The following TAFA5 variants were observed in gnomAD, a reference collection of about 807,000 sequenced individuals.
TAFA5 encodes the protein TAFA chemokine like family member 5, also known as chemokine-like protein TAFA-5.
In TAFA5, 6 loss-of-function variants were observed where a neutral mutation model predicts 15.3. The observed-to-expected ratio is 0.39, with a 90% CI of 0.21 to 0.77. The LOEUF (loss-of-function observed/expected upper bound fraction) is 0.77. TAFA5 is among the 30% of genes least tolerant of loss of function. TAFA5 has a pLI of 0.41. For missense variants in TAFA5, 161 were observed against 193.1 expected, an observed-to-expected ratio of 0.83 and a Z score of 0.98; for synonymous variants, 103 against 80.7, an observed-to-expected ratio of 1.28 and a Z score of -1.48.
intron 1 of TAFA5, among the ~76,000 whole-genome samples, chr22:48,617,317 A>G (rs1258347650): frequency 3.3e-5 from 5 of 151,330 alleles, no homozygotes; most frequent in African/African-American, 7.3e-5. Context: ...GGCCTCTGGA[A>G]TCTGGAAAAG....
At chr22:48,666,729 G>A (rs59574628) in intron 2 of TAFA5, among the ~76,000 whole-genome samples, 59,484 of 151,830 alleles carry the variant, frequency 0.39, 11,981 homozygotes, top group East Asian at 0.53. Flanking sequence ...ACCCCTTGTC[G>A]GAGCGGGTTT....
intron 1 of TAFA5, among the ~76,000 whole-genome samples, chr22:48,619,015 G>A (rs1156633658): frequency 6.6e-6 from 1 of 152,236 alleles, no homozygotes; most frequent in Non-Finnish European, 1.5e-5. Flanking sequence ...ACCCATTGCT[G>A]AGGGAAGAAG....
intron 1 of TAFA5, among the ~76,000 whole-genome samples, chr22:48,580,900 T>G (rs1380198238): frequency 6.6e-6 from 1 of 152,018 alleles, no homozygotes; most frequent in Non-Finnish European, 1.5e-5. Context: ...TTTATGGCCC[T>G]GATGAGGTGT....
intron 1 of TAFA5, among the ~76,000 whole-genome samples, chr22:48,568,096 G>T (rs1048047617): frequency 2.6e-5 from 4 of 152,222 alleles, no homozygotes; most frequent in African/African-American, 9.6e-5. Context: ...GAGTAAAACA[G>T]CCAAACCCTG....
At chr22:48,589,185 T>C (rs1924469239) in intron 1 of TAFA5, among the ~76,000 whole-genome samples, 1 of 152,212 alleles carries the variant, frequency 6.6e-6, no homozygotes, top group Admixed American at 6.5e-5. Flanking sequence ...GGCCTCAGTT[T>C]GGCATGCACG....
Position 48,646,766 on chromosome 22 carries a change from G to C in TAFA5, c.262+20G>C. Reference sequence around the variant, plus strand: ...TGGACGGTAAGCACCCGTGGCCCCAGGACCCCTCCGGGTGCTGAGCGCGGC... The same window carrying C: ...TGGACGGTAAGCACCCGTGGCCCCACGACCCCTCCGGGTGCTGAGCGCGGC... On this transcript the variant is annotated intron_variant, in intron 2 of 3. Coordinates refer to ENST00000402357, the MANE Select transcript of TAFA5 (RefSeq NM_001082967.3). 1 of 1,552,644 alleles carries C rather than the reference G, an allele frequency of 6.4e-7. No individual in the cohort carries two copies. The highest frequency in any genetic ancestry group is 1.8e-4 in the Middle Eastern group (1 of 5,604).
At chr22:48,654,269 A>T (rs1410545495) in intron 2 of TAFA5, among the ~76,000 whole-genome samples, 1 of 151,974 alleles carries the variant, frequency 6.6e-6, no homozygotes, top group Non-Finnish European at 1.5e-5. Context: ...GCTGGGCCTG[A>T]CCCTGGGCAG....
intron 1 of TAFA5, among the ~76,000 whole-genome samples, chr22:48,506,344 T>G (rs1920997403): frequency 6.6e-6 from 1 of 152,220 alleles, no homozygotes; most frequent in Non-Finnish European, 1.5e-5. Flanking sequence ...AGCCTTGTGC[T>G]CCATGGGGGA....
chr22:48,584,018 C>T (rs949252410), intron 1 of TAFA5, among the ~76,000 whole-genome samples: 1 of 145,084 alleles, frequency 6.9e-6, no homozygotes, highest in Non-Finnish European at 1.5e-5. Context: ...CACCACACAC[C>T]ACACGCCACA....
chr22:48,701,257 C>T (rs1298341587), intron 2 of TAFA5, among the ~76,000 whole-genome samples: 1 of 152,150 alleles, frequency 6.6e-6, no homozygotes, highest in African/African-American at 2.4e-5. Flanking sequence ...TTCCACCCTC[C>T]CTCCACCCTG....
At chr22:48,696,938 A>G (rs994294385) in intron 2 of TAFA5, among the ~76,000 whole-genome samples, 3 of 151,930 alleles carry the variant, frequency 2.0e-5, no homozygotes, top group African/African-American at 7.3e-5. Context: ...GAAATCCAAG[A>G]CTCCTTATTG....
At chr22:48,679,020 G>A (rs113468806) in intron 2 of TAFA5, among the ~76,000 whole-genome samples, 1 of 3,298 alleles carries the variant, frequency 3.0e-4, no homozygotes, top group Non-Finnish European at 5.6e-4. Flanking sequence ...TCCCGGCTCC[G>A]CGTCCATCCC....
chr22:48,720,864 A>G (rs937653775), intron 3 of TAFA5, among the ~76,000 whole-genome samples: 2 of 152,148 alleles, frequency 1.3e-5, no homozygotes, highest in African/African-American at 2.4e-5. Flanking sequence ...ATGCCCTGGA[A>G]GGGCTCCACG....
intron 1 of TAFA5, among the ~76,000 whole-genome samples, chr22:48,638,954 G>C (rs1181437352): frequency 2.1e-5 from 3 of 139,546 alleles, no homozygotes; most frequent in African/African-American, 8.5e-5. Flanking sequence ...CCGACACTAA[G>C]CCCTGGGACA....
chr22:48,559,100 G>A (rs1923138854), intron 1 of TAFA5, among the ~76,000 whole-genome samples: 1 of 152,208 alleles, frequency 6.6e-6, no homozygotes, highest in South Asian at 2.1e-4. Flanking sequence ...GGGACACAGT[G>A]CCGAGGGGCC....
At chr22:48,706,822 G>A (rs762702322) in intron 2 of TAFA5, among the ~76,000 whole-genome samples, 10 of 152,284 alleles carry the variant, frequency 6.6e-5, no homozygotes, top group South Asian at 6.2e-4. Flanking sequence ...TGAGATTCCC[G>A]CAGCGAAGGT....
intron 3 of TAFA5, among the ~76,000 whole-genome samples, chr22:48,739,154 C>G (rs1930110396): frequency 6.6e-6 from 1 of 152,154 alleles, no homozygotes; most frequent in African/African-American, 2.4e-5. Context: ...GGCCCAGTTT[C>G]TGGAAGCTTC....
At chr22:48,622,454 C>T (rs1221462372) in intron 1 of TAFA5, among the ~76,000 whole-genome samples, 2 of 152,200 alleles carry the variant, frequency 1.3e-5, no homozygotes, top group East Asian at 3.9e-4. Context: ...CTCAGCTCCA[C>T]TACAGCACGG....
At chr22:48,492,718 C>T (rs1245282602) in intron 1 of TAFA5, among the ~76,000 whole-genome samples, 5 of 152,168 alleles carry the variant, frequency 3.3e-5, no homozygotes, top group Admixed American at 2.6e-4. Flanking sequence ...CGGTGGTCTG[C>T]GACCATCACG....
Sources: gnomAD v4.1 joint callset for allele counts (sites outside exome capture counted in the v4.1 genomes callset) on GRCh38, gnomAD v4.1.1 for gene constraint, MANE v1.5 for transcripts, NCBI Gene and HGNC (gene_info 2026-07-23, HGNC 2026-07-21) for gene names.